The following KANSL3 variants were observed in gnomAD, a reference collection of about 807,000 sequenced individuals.
KANSL3 encodes NSL complex protein NSL3.
In KANSL3, 16 loss-of-function variants were observed where a neutral mutation model predicts 89.2. That is an observed-to-expected ratio of 0.18 (90% CI 0.12 to 0.27). The LOEUF is 0.27. Among genes scored for constraint, KANSL3 ranks in the 10% least tolerant of loss-of-function variants. The probability of loss-of-function intolerance (pLI) is 1.00; values close to 1 mark genes in which losing one functional copy is unlikely to be tolerated. For synonymous variants in KANSL3, 385 were observed against 419.7 expected (o/e 0.92, Z 1.01); for missense variants, 879 against 1,110.6 (o/e 0.79, Z 2.96).
At position 96,609,492 on chromosome 2, in the gene KANSL3, T is replaced by C. The variant is rs1205607486; in HGVS notation, c.1383+7A>G. On this transcript the variant is annotated splice_region_variant and intron_variant, in intron 12 of 20. Coordinates refer to ENST00000431828, the MANE Select transcript of KANSL3 (RefSeq NM_001115016.3). ...AGCTGAGAAAAGCACACAAAACAACTGTTTACCTGAATACATCTGTCCACC... is the reference window on the plus strand; with the variant it reads ...AGCTGAGAAAAGCACACAAAACAACCGTTTACCTGAATACATCTGTCCACC... 2 of 1,613,298 alleles carry C rather than the reference T, an allele frequency of 1.2e-6. No individual in the cohort carries two copies. The highest frequency in any genetic ancestry group is 2.2e-5 in the East Asian group (1 of 44,884).
chr2:96,597,549 A>T (rs915257220), intron 20 of KANSL3, among the ~76,000 whole-genome samples: 5 of 152,212 alleles, frequency 3.3e-5, no homozygotes, highest in African/African-American at 1.2e-4. Context: ...TGCTTGTTGG[A>T]AAAGAATCAC....
intron 11 of KANSL3, among the ~76,000 whole-genome samples, chr2:96,610,171 G>A (rs1236806971): frequency 6.6e-6 from 1 of 151,896 alleles, no homozygotes; most frequent in Non-Finnish European, 1.5e-5. Flanking sequence ...TTGATTTTGA[G>A]AATTACACTT....
chr2:96,601,616 G>A, intron 20 of KANSL3, 27 bp downstream of exon 20: 1 of 1,608,784 alleles, frequency 6.2e-7, no homozygotes. Context: ...TGAAGCCCAT[G>A]TCCTCAGTCC....
At chr2:96,598,911 A>G (rs1430283856) in intron 20 of KANSL3, among the ~76,000 whole-genome samples, 1 of 123,134 alleles carries the variant, frequency 8.1e-6, no homozygotes, top group Non-Finnish European at 1.6e-5. Context: ...ACTGTCTCAA[A>G]AAAAAAAAAA....
At chr2:96,611,009 C>A in intron 10 of KANSL3, 55 bp downstream of exon 10, 1 of 1,582,724 alleles carries the variant, frequency 6.3e-7, no homozygotes, top group East Asian at 2.2e-5. Flanking sequence ...ACAAGGCATG[C>A]ACACTCGCGC....
At chr2:96,601,243 G>T in intron 20 of KANSL3, 1 of 879,566 alleles carries the variant, frequency 1.1e-6, no homozygotes, top group Non-Finnish European at 1.4e-6. Context: ...ACTCCAGCTT[G>T]GGCGATAGAG....
At chr2:96,610,919 A>G in intron 10 of KANSL3, 36 bp from the exon 11 acceptor site, 1 of 1,607,700 alleles carries the variant, frequency 6.2e-7, no homozygotes, top group East Asian at 2.2e-5. Context: ...CGGCTTCTTC[A>G]TATTCACAAA....
At chr2:96,633,400 T>C (rs2073761513) in intron 2 of KANSL3, among the ~76,000 whole-genome samples, 4 of 151,530 alleles carry the variant, frequency 2.6e-5, no homozygotes. Context: ...TAAAACCCCA[T>C]CTCTACTTAA....
chr2:96,632,878 A>C (rs2073645384), intron 2 of KANSL3, among the ~76,000 whole-genome samples: 1 of 151,382 alleles, frequency 6.6e-6, no homozygotes, highest in Admixed American at 6.6e-5. Context: ...AGGAAGGAGA[A>C]CGGTGTGAAC....
Position 96,604,252 on chromosome 2 carries a change from G to A in KANSL3, c.2147C>T (p.Pro716Leu). The change falls in exon 17 of 21, where the codon CCA becomes CTA. Residue 716 changes from proline (P) to leucine (L), a missense_variant and splice_region_variant. Physicochemically the swap from Pro to Leu is moderately conservative, Grantham distance 98 (BLOSUM62 -3). Around this residue, in one of 6 missense-constraint regions of KANSL3, gnomAD observed 317 missense variants for 311.2 expected, o/e 1.02. Transcript: ENST00000431828. ...GAGAATGCTGGGCCACAAGATACCTGGGAGGGAGCTGCCAGGAGATGTGGC... is the reference window on the plus strand; with the variant it reads ...GAGAATGCTGGGCCACAAGATACCTAGGAGGGAGCTGCCAGGAGATGTGGC... ...LVATSPGSSLPGATSASSLLQ... is the reference protein window; with the variant it reads ...LVATSPGSSLLGATSASSLLQ... 6.2e-7 allele frequency: 1 copy of A among 1,604,382 alleles called. No individual in the cohort carries two copies. Among genetic ancestry groups the A allele is most frequent in the Non-Finnish European group, 8.5e-7 (1 of 1,176,170 alleles).
chr2:96,611,141 G>GTAAATAACAGAACAGTTT lies in KANSL3; in HGVS notation c.1087-21_1087-4dup. The GTAAATAACAGAACAGTTT allele has an allele frequency of 6.2e-7, 1 of 1,613,158 alleles. No homozygotes were observed. Among genetic ancestry groups the GTAAATAACAGAACAGTTT allele is most frequent in the Non-Finnish European group, 8.5e-7 (1 of 1,179,128 alleles). On this transcript the variant is annotated splice_region_variant and splice_polypyrimidine_tract_variant and intron_variant, in intron 9 of 20. Transcript: ENST00000431828. ...GTGACATACTCCATTACTGACACCT[G>GTAAATAACAGAACAGTTT]TAAATAACAGAACAGTTTGTCTAAA...
In KANSL3 at chr2:96,608,516, T is replaced by C. The variant is rs764053936; in HGVS notation, c.1733A>G (p.Gln578Arg). The C allele has an allele frequency of 5.6e-6, 9 of 1,613,984 alleles. No individual in the cohort carries two copies. The highest frequency in any genetic ancestry group is 7.6e-6 in the Non-Finnish European group (9 of 1,179,886). The change falls in exon 14 of 21, where the codon CAA becomes CGA. Residue 578 changes from glutamine to arginine, a missense_variant. This residue lies in a region of KANSL3 where 317 missense variants were observed against 311.2 expected (regional missense o/e 1.02). Coordinates refer to ENST00000431828, the MANE Select transcript of KANSL3 (RefSeq NM_001115016.3). ...TGGCCAAGTGCCTATACCTTGAGCT[T>C]GTTTGTGGGTCAGCACAGCTTCTGT... is the stretch of plus-strand genomic sequence containing the variant. ...QRTEAVLTHKQAQVPISSEPP... is the reference protein window; with the variant it reads ...QRTEAVLTHKRAQVPISSEPP...
the KANSL3 span, among the ~76,000 whole-genome samples, chr2:96,586,788 A>G: frequency 1.3e-5 from 2 of 152,152 alleles, no homozygotes; most frequent in African/African-American, 4.8e-5. Flanking sequence ...TACTGCTTCT[A>G]CTTCTGTCCT....
rs191970153 is a variant in KANSL3, at chr2:96,605,982, G to A, written c.1742-471C>T. ...ATCAAACATTCTATGAGAACTCATG[G>A]AGGAGCAGGTCATCCAGTCCTCTCT... On this transcript the variant is annotated intron_variant, in intron 14 of 20. Coordinates refer to ENST00000431828, the MANE Select transcript of KANSL3 (RefSeq NM_001115016.3). 35 of 153,256 alleles carry A rather than the reference G, an allele frequency of 2.3e-4. No individual in the cohort carries two copies. In the East Asian group the frequency reaches 6.5e-3, roughly 29 times the overall value. The allele number at this position is 153,256 out of a possible 1,614,324, so 9.5% of individuals were successfully genotyped here. A position where few individuals can be genotyped will look rare whatever the true frequency, so the allele number is the denominator to read the frequency against.
chr2:96,635,921 G>A (rs1244414617), intron 2 of KANSL3, among the ~76,000 whole-genome samples: 1 of 151,960 alleles, frequency 6.6e-6, no homozygotes, highest in African/African-American at 2.4e-5. Flanking sequence ...TCAAACCCAG[G>A]AGGTGGAGGT....
At chr2:96,604,950 T>C in intron 15 of KANSL3, 87 bp from the exon 16 acceptor site, 1 of 1,074,686 alleles carries the variant, frequency 9.3e-7, no homozygotes, top group Non-Finnish European at 1.4e-6. Context: ...AAATGCAAGA[T>C]ATTACGGACG....
intron 5 of KANSL3, among the ~76,000 whole-genome samples, chr2:96,614,491 C>T (rs908948663): frequency 2.6e-5 from 4 of 152,176 alleles, no homozygotes; most frequent in African/African-American, 9.7e-5. Context: ...CTACTCAAAG[C>T]TGGGCTCAGC....
intron 14 of KANSL3, chr2:96,606,978 CAGG>C: frequency 7.8e-7 from 1 of 1,288,748 alleles, no homozygotes; most frequent in Non-Finnish European, 1.0e-6. Context: ...ACCAAAGAGA[CAGG>C]AGGAGGTGCC....
At chr2:96,618,703 T>C (rs1245074151) in intron 5 of KANSL3, among the ~76,000 whole-genome samples, 2 of 152,244 alleles carry the variant, frequency 1.3e-5, no homozygotes, top group African/African-American at 4.8e-5. Flanking sequence ...ATTTTAGAGA[T>C]GAGACACCAG....
Sources: gnomAD v4.1 joint callset for allele counts (sites outside exome capture counted in the v4.1 genomes callset) on GRCh38, gnomAD v4.1.1 for gene constraint, gnomAD v4.1.1 regional missense constraint, MANE v1.5 for transcripts, NCBI Gene and HGNC (gene_info 2026-07-23, HGNC 2026-07-21) for gene names.